EIF3L: variants seen among roughly 807,000 people sequenced by gnomAD.
The protein encoded by EIF3L is eukaryotic translation initiation factor 3 subunit L, also known as eIEF associated protein HSPC021.
A neutral mutation model predicts 74.6 loss-of-function variants in EIF3L; 32 were observed. The observed-to-expected ratio is 0.43, with a 90% CI of 0.32 to 0.58. The LOEUF is 0.58. Ranked by LOEUF, EIF3L falls within the 20% of genes least tolerant of loss-of-function variation. The probability of loss-of-function intolerance (pLI) is 0.06; values close to 1 mark genes in which losing one functional copy is unlikely to be tolerated. For missense variants in EIF3L, 474 were observed against 707.8 expected (o/e 0.67, Z 3.75); for synonymous variants, 256 against 254.4 (o/e 1.01, Z -0.06).
chr22:37,863,168 T>C, intron 6 of EIF3L, 104 bp from the exon 7 acceptor site: 1 of 1,179,798 alleles, frequency 8.5e-7, no homozygotes, highest in Non-Finnish European at 1.2e-6. Flanking sequence ...GGAGGTCTTG[T>C]GATTCATGGT....
In EIF3L at chr22:37,876,114, T is replaced by G. The variant is rs945793696; in HGVS notation, c.1077+103T>G. ...AAACACCATCCAAAATATTGCACTTTTAAGCCAGGAGTTCAAGACTGTAGA... is the reference window on the plus strand; with the variant it reads ...AAACACCATCCAAAATATTGCACTTGTAAGCCAGGAGTTCAAGACTGTAGA... On this transcript the variant is annotated intron_variant, in intron 10 of 12. Transcript: ENST00000652021. 3.9e-6 allele frequency: 5 copies of G among 1,295,808 alleles called. 1 individual carries two copies. The Admixed American group carries it at 1.1e-4, about 29-fold the overall frequency. 80.3% of individuals were successfully genotyped at this position (1,295,808 alleles called of 1,614,324 possible).
Position 37,877,827 on chromosome 22 carries a change from G to T in EIF3L, c.1231G>T (p.Glu411Ter). The change falls in exon 11 of 13, where the codon GAA becomes TAA. Residue 411 changes from glutamate to a stop codon, truncating the protein, a stop_gained. Transcript: ENST00000652021. LOFTEE classifies it high-confidence loss of function. Reference protein sequence around the residue: ...MQKGDPQVYEELFSYSCPKFL... With the variant: ...MQKGDPQVYE ...GAAAGGTGACCCACAAGTCTATGAA[G>T]AACTTTTCAGTTACTCCTGCCCCAA... is the stretch of plus-strand genomic sequence containing the variant. The T allele has an allele frequency of 6.2e-7, 1 of 1,613,894 alleles. No individual in the cohort carries two copies. Among genetic ancestry groups the T allele is most frequent in the Non-Finnish European group, 8.5e-7 (1 of 1,179,870 alleles).
At chr22:37,886,661 A>G in intron 11 of EIF3L, 104 bp from the exon 12 acceptor site, 1 of 873,736 alleles carries the variant, frequency 1.1e-6, no homozygotes. Flanking sequence ...CTTTACATCT[A>G]ACACTCACCA....
At chr22:37,863,795 G>A (rs927506103) in intron 7 of EIF3L, among the ~76,000 whole-genome samples, 1 of 151,990 alleles carries the variant, frequency 6.6e-6, no homozygotes, top group African/African-American at 2.4e-5. Context: ...GCCGGGCGCG[G>A]TGACTCACGC....
chr22:37,879,602 C>G (rs1926940178), intron 11 of EIF3L: 1 of 152,110 alleles, frequency 6.6e-6, no homozygotes, highest in Non-Finnish European at 1.5e-5. Context: ...GTTTAAGGGA[C>G]AGTTGTAGTA....
At chr22:37,878,292 A>G (rs1220199928) in intron 11 of EIF3L, 121 bp downstream of exon 11, 2 of 1,319,100 alleles carry the variant, frequency 1.5e-6, no homozygotes, top group Non-Finnish European at 2.0e-6. Flanking sequence ...GTGCTGCCAC[A>G]AGGTGCCAGG....
At position 37,866,850 on chromosome 22, in the gene EIF3L, A is replaced by G. The variant is rs1331548791; in HGVS notation, c.580-3326A>G. ...GCCCAGCCATGAGGTGTAGTTTAATATACAATAAAATGTACCAGAATCAGT... is the reference window on the plus strand; with the variant it reads ...GCCCAGCCATGAGGTGTAGTTTAATGTACAATAAAATGTACCAGAATCAGT... On this transcript the variant is annotated intron_variant, in intron 7 of 12. Transcript: ENST00000652021. Among the ~76,000 whole-genome samples, 5 of 152,268 alleles carry G rather than the reference A, an allele frequency of 3.3e-5. No individual in the cohort carries two copies. The South Asian group carries it at 8.3e-4, about 25-fold the overall frequency.
intron 5 of EIF3L, among the ~76,000 whole-genome samples, chr22:37,860,031 C>G (rs144533725): frequency 1.3e-5 from 2 of 152,106 alleles, no homozygotes; most frequent in African/African-American, 4.8e-5. Context: ...AAGAAAAATG[C>G]CATCTGTATT....
At chr22:37,853,026 A>G (rs1925310270) in intron 3 of EIF3L, among the ~76,000 whole-genome samples, 2 of 152,200 alleles carry the variant, frequency 1.3e-5, no homozygotes, top group African/African-American at 4.8e-5. Flanking sequence ...GCTACCAATG[A>G]TGAATCCGTA....
intron 4 of EIF3L, among the ~76,000 whole-genome samples, chr22:37,856,744 G>T (rs982321325): frequency 6.6e-6 from 1 of 151,802 alleles, no homozygotes; most frequent in African/African-American, 2.4e-5. Context: ...CTTGGGAGGT[G>T]GAGGCAGGAG....
chr22:37,869,761 A>G (rs945308909), intron 7 of EIF3L, among the ~76,000 whole-genome samples: 13 of 152,118 alleles, frequency 8.5e-5, no homozygotes, highest in Non-Finnish European at 1.9e-4. Flanking sequence ...CTATTACCAC[A>G]TCACTGCCCA....
At chr22:37,867,993 TTTTCTGA>T (rs1288992969) in intron 7 of EIF3L, among the ~76,000 whole-genome samples, 2 of 151,490 alleles carry the variant, frequency 1.3e-5, no homozygotes, top group East Asian at 3.9e-4. Context: ...AAAATCATAC[TTTTCTGA>T]TTTCCCATAT....
At chr22:37,869,291 G>A (rs750254961) in intron 7 of EIF3L, among the ~76,000 whole-genome samples, 3 of 152,060 alleles carry the variant, frequency 2.0e-5, no homozygotes, top group Non-Finnish European at 4.4e-5. Context: ...ACCATTCCTG[G>A]CTAATTCGTT....
At chr22:37,884,154 T>C (rs1161026513) in intron 11 of EIF3L, 1 of 152,222 alleles carries the variant, frequency 6.6e-6, no homozygotes, top group Admixed American at 6.6e-5. Context: ...AATGGAATCA[T>C]GTAATATATG....
chr22:37,885,912 T>G, intron 11 of EIF3L: 1 of 143,314 alleles, frequency 7.0e-6, no homozygotes, highest in Admixed American at 6.9e-5. Flanking sequence ...AAGACGAGGC[T>G]GGGCACGGTG....
chr22:37,861,530 A>G (rs1925856030), intron 5 of EIF3L, among the ~76,000 whole-genome samples: 1 of 152,072 alleles, frequency 6.6e-6, no homozygotes, highest in African/African-American at 2.4e-5. Context: ...CTAAAAATAC[A>G]AAAATTAGCC....
At chr22:37,888,135 A>G in intron 12 of EIF3L, 1 of 341,940 alleles carries the variant, frequency 2.9e-6, no homozygotes, top group Non-Finnish European at 5.3e-6. Context: ...TAACTGAACT[A>G]GTAACCTTGA....
intron 5 of EIF3L, among the ~76,000 whole-genome samples, chr22:37,862,331 A>G (rs1054431807): frequency 1.3e-5 from 2 of 152,174 alleles, no homozygotes; most frequent in African/African-American, 4.8e-5. Flanking sequence ...GATGCAAGCA[A>G]CATAAAGACC....
At chr22:37,856,831 C>T (rs552108009) in intron 4 of EIF3L, among the ~76,000 whole-genome samples, 4 of 145,814 alleles carry the variant, frequency 2.7e-5, no homozygotes, top group East Asian at 2.0e-4. Context: ...GCAACAAGAG[C>T]GAAACTCCGC....
Sources: gnomAD v4.1 joint callset for allele counts (sites outside exome capture counted in the v4.1 genomes callset) on GRCh38, gnomAD v4.1.1 for gene constraint, MANE v1.5 for transcripts, NCBI Gene and HGNC (gene_info 2026-07-23, HGNC 2026-07-21) for gene names.